LMTK2: variants seen among roughly 807,000 people sequenced by gnomAD.
The protein encoded by LMTK2 is serine/threonine-protein kinase LMTK2.
Under a neutral mutation model 127.5 loss-of-function variants are expected in LMTK2, and 37 were observed. The ratio of observed to expected loss-of-function variants is 0.29; its 90% confidence interval spans 0.22 to 0.38. The LOEUF (loss-of-function observed/expected upper bound fraction) is 0.38, where lower values mean the gene tolerates loss of function less well. Among genes scored for constraint, LMTK2 ranks in the 10% least tolerant of loss-of-function variants. The pLI is 1.00. For synonymous variants in LMTK2, 819 were observed against 810.1 expected, an observed-to-expected ratio of 1.01 and a Z score of -0.19; for missense variants, 1,694 against 1,920.3, an observed-to-expected ratio of 0.88 and a Z score of 2.20.
rs539976044 is a variant in LMTK2, at chr7:98,192,349, C to T, written c.1884C>T (p.Pro628=). 20 of 1,583,458 alleles carry T rather than the reference C, an allele frequency of 1.3e-5. No individual in the cohort carries two copies. Among genetic ancestry groups the T allele is most frequent in the South Asian group, 2.4e-5 (2 of 84,204 alleles). ...LPGDLHVTSG[P]ESPFNNIFND... is the part of the protein sequence containing the mutation. ...GGGACTTACACGTGACCAGTGGCCCCGAGAGCCCTTTCAACAATATATTTA... is the reference window on the plus strand; with the variant it reads ...GGGACTTACACGTGACCAGTGGCCCTGAGAGCCCTTTCAACAATATATTTA... The change falls in exon 11 of 14, where the codon CCC becomes CCT. Residue 628 remains proline (P), a synonymous_variant. Coordinates refer to ENST00000297293, the MANE Select transcript of LMTK2 (RefSeq NM_014916.4).
In LMTK2 at chr7:98,107,110, G is replaced by T; in HGVS notation, c.-68G>T. On this transcript the variant is annotated 5_prime_UTR_variant, in exon 1 of 14. Transcript: ENST00000297293. ...GCAGCGGAGGGAGGCAGGATCGACT[G>T]ACGGGCGAACGGACGGACGGACGGA... The T allele has an allele frequency of 8.0e-7, 1 of 1,254,036 alleles. No homozygotes were observed. Among genetic ancestry groups the T allele is most frequent in the Non-Finnish European group, 1.0e-6 (1 of 959,962 alleles). The allele number at this position is 1,254,036 out of a possible 1,614,324, so 77.7% of individuals were successfully genotyped here.
intron 6 of LMTK2, among the ~76,000 whole-genome samples, chr7:98,164,676 C>T (rs1562910908): frequency 6.6e-6 from 1 of 152,116 alleles, no homozygotes; most frequent in Non-Finnish European, 1.5e-5. Context: ...TTTGTAAAGG[C>T]AGTGTGGAGA....
chr7:98,160,925 G>A (rs1797006202), intron 6 of LMTK2, among the ~76,000 whole-genome samples: 1 of 152,048 alleles, frequency 6.6e-6, no homozygotes, highest in South Asian at 2.1e-4. Flanking sequence ...CTTTCTTTTG[G>A]TTGGAATTTG....
chr7:98,187,595 T>TTTG (rs201762640), intron 9 of LMTK2, among the ~76,000 whole-genome samples: 8,604 of 151,870 alleles, frequency 0.057, 629 homozygotes, highest in East Asian at 0.35. Flanking sequence ...TATATATGTT[T>TTTG]TTGTTGTTGT....
intron 7 of LMTK2, among the ~76,000 whole-genome samples, chr7:98,177,922 A>G (rs74559610): frequency 1.3e-5 from 2 of 152,290 alleles, no homozygotes; most frequent in Non-Finnish European, 2.9e-5. Context: ...TCTCCATCCC[A>G]TCTTAGAGTG....
intron 3 of LMTK2, among the ~76,000 whole-genome samples, chr7:98,145,771 C>T (rs1206750740): frequency 1.3e-5 from 2 of 152,206 alleles, no homozygotes; most frequent in Non-Finnish European, 2.9e-5. Context: ...CTTTCACTCT[C>T]TTAATAGTGT....
intron 7 of LMTK2, among the ~76,000 whole-genome samples, chr7:98,172,869 T>C (rs1584279290): frequency 6.6e-6 from 1 of 152,232 alleles, no homozygotes; most frequent in Non-Finnish European, 1.5e-5. Context: ...GTGATTCTCC[T>C]GCCTCAGCCT....
chr7:98,138,068 G>A (rs1796620182), intron 2 of LMTK2, among the ~76,000 whole-genome samples: 1 of 152,214 alleles, frequency 6.6e-6, no homozygotes, highest in South Asian at 2.1e-4. Flanking sequence ...GCAGCAGACG[G>A]TGGAATGGAC....
intron 1 of LMTK2, among the ~76,000 whole-genome samples, chr7:98,117,568 A>G (rs1332113359): frequency 5.9e-5 from 9 of 151,436 alleles, no homozygotes; most frequent in African/African-American, 9.7e-5. Context: ...ATTTTCTGGC[A>G]TTTCAAGAAG....
chr7:98,179,740 A>C (rs1468312625), intron 7 of LMTK2, among the ~76,000 whole-genome samples: 1 of 152,048 alleles, frequency 6.6e-6, no homozygotes, highest in African/African-American at 2.4e-5. Context: ...CAGGTGTCCC[A>C]AGGTTTTTCC....
At chr7:98,178,292 C>G (rs1797304090) in intron 7 of LMTK2, among the ~76,000 whole-genome samples, 1 of 152,176 alleles carries the variant, frequency 6.6e-6, no homozygotes, top group East Asian at 1.9e-4. Context: ...TTTGAAAATG[C>G]CTCCTGCGTG....
chr7:98,159,452 C>A, intron 6 of LMTK2, 27 bp downstream of exon 6: 1 of 1,461,228 alleles, frequency 6.8e-7, no homozygotes, highest in South Asian at 1.1e-5. Context: ...AATTCAAGTT[C>A]GAGTATTCCA....
At chr7:98,161,158 G>T (rs1362955886) in intron 6 of LMTK2, among the ~76,000 whole-genome samples, 1 of 151,310 alleles carries the variant, frequency 6.6e-6, no homozygotes, top group Admixed American at 6.6e-5. Context: ...CTTTTTTTCT[G>T]TTCTTCTTTG....
At chr7:98,128,382 C>T (rs1340858006) in intron 1 of LMTK2, among the ~76,000 whole-genome samples, 1 of 151,958 alleles carries the variant, frequency 6.6e-6, no homozygotes, top group African/African-American at 2.4e-5. Flanking sequence ...GAAGAAAGCC[C>T]CTTTGAGAAT....
rs374120149 is a variant in LMTK2, at chr7:98,194,351, G to A, written c.3886G>A (p.Glu1296Lys). 27 of 1,614,014 alleles carry A rather than the reference G, an allele frequency of 1.7e-5. No individual in the cohort carries two copies. Among genetic ancestry groups the A allele is most frequent in the African/African-American group, 1.1e-4 (8 of 74,906 alleles). Residue 1296 changes from glutamate to lysine, a missense_variant, in exon 11 of 14, where the codon GAG becomes AAG. By Grantham distance (56) the Glu-to-Lys change is moderately conservative (BLOSUM62 1). Around this residue, in one of 8 missense-constraint regions of LMTK2, gnomAD observed 554 missense variants for 567.7 expected, o/e 0.98. Transcript: ENST00000297293. The surrounding 1 kb of genome is among the most constrained non-coding windows in gnomAD (Gnocchi z 5.4). ...EEDENSDDSD[E>K]DLRAFNLHSL... The stretch of plus-strand genomic sequence containing the variant: ...GGACGAAAACAGCGACGACTCGGAC[G>A]AGGACCTGCGGGCCTTCAACCTGCA...
At chr7:98,112,242 G>C (rs1344535439) in intron 1 of LMTK2, among the ~76,000 whole-genome samples, 5 of 152,102 alleles carry the variant, frequency 3.3e-5, no homozygotes, top group African/African-American at 9.7e-5. Flanking sequence ...CTGCTGCCCA[G>C]GCTAGAGTGC....
intron 6 of LMTK2, among the ~76,000 whole-genome samples, chr7:98,168,175 GGGGAGGGCTGGGTTTACCT>G (rs1797131318): frequency 1.3e-5 from 2 of 150,086 alleles, no homozygotes; most frequent in African/African-American, 5.1e-5. Flanking sequence ...GGGCTGGGGA[GGGGAGGGCTGGGTTTACCT>G]GGGAGGTGTT....
intron 7 of LMTK2, 43 bp from the exon 8 acceptor site, chr7:98,185,008 G>A: frequency 2.1e-6 from 3 of 1,408,022 alleles, no homozygotes; most frequent in Non-Finnish European, 3.0e-6. Context: ...CATGATCCTG[G>A]TTGTTGATTC....
At chr7:98,186,449 C>T (rs963466250) in intron 8 of LMTK2, among the ~76,000 whole-genome samples, 8 of 152,176 alleles carry the variant, frequency 5.3e-5, no homozygotes, top group African/African-American at 1.7e-4. Flanking sequence ...AAAGTTGTTG[C>T]TTGCGTAGAA....
Sources: allele counts gnomAD v4.1 joint callset (sites outside exome capture counted in the v4.1 genomes callset), GRCh38; gene constraint gnomAD v4.1.1; regional missense constraint gnomAD v4.1.1; non-coding constraint Gnocchi (gnomAD v3.1); transcripts MANE v1.5; gene names NCBI Gene and HGNC (gene_info 2026-07-23, HGNC 2026-07-21).